The following SDHA variants were observed in gnomAD, a reference collection of about 807,000 sequenced individuals.
SDHA encodes the protein succinate dehydrogenase complex flavoprotein subunit A, also known as succinate dehydrogenase [ubiquinone] flavoprotein subunit, mitochondrial.
A neutral mutation model predicts 78.4 loss-of-function variants in SDHA; 48 were observed. The observed-to-expected ratio is 0.61, with a 90% CI of 0.49 to 0.78. The LOEUF is 0.78. Ranked by LOEUF, SDHA falls within the 30% of genes least tolerant of loss-of-function variation. The pLI is 0.00. For missense variants in SDHA, 680 were observed against 892.7 expected (o/e 0.76, Z 3.04); for synonymous variants, 326 against 353.9 (o/e 0.92, Z 0.88).
At chr5:264,661 G>A in the SDHA span, among the ~76,000 whole-genome samples, 2 of 152,198 alleles carry the variant, frequency 1.3e-5, no homozygotes, top group East Asian at 1.9e-4. Context: ...GCATCACAGG[G>A]TTCTGCAGCC....
chr5:241,330 C>T (rs556806130), intron 11 of SDHA, among the ~76,000 whole-genome samples: 77 of 152,288 alleles, frequency 5.1e-4, no homozygotes, highest in African/African-American at 1.7e-3. Flanking sequence ...AACACTGGTG[C>T]TTACATCTCA....
Position 225,986 on chromosome 5 carries a change from A to C in SDHA, c.560A>C (p.His187Pro), listed in dbSNP as rs1236616384. The part of the protein sequence containing the change: ...SLKFGKGGQA[H>P]RCCCVADRTG... ...AAGTTTGGAAAGGGCGGGCAGGCCC[A>C]TCGGTGCTGCTGTGTGGCTGATCGG... The change falls in exon 5 of 15, where the codon CAT becomes CCT. Residue 187 changes from histidine to proline, a missense_variant. Transcript: ENST00000264932. 6.2e-7 allele frequency: 1 copy of C among 1,614,186 alleles called. No homozygotes were observed. The highest frequency in any genetic ancestry group is 2.2e-5 in the East Asian group (1 of 44,884).
chr5:231,227 C>T (rs892574003), intron 7 of SDHA, among the ~76,000 whole-genome samples: 1 of 152,104 alleles, frequency 6.6e-6, no homozygotes, highest in African/African-American at 2.4e-5. Context: ...TTCTCAAGAG[C>T]GCTAAACCCT....
intron 11 of SDHA, among the ~76,000 whole-genome samples, chr5:243,510 C>T (rs563587039): frequency 2.6e-5 from 4 of 152,208 alleles, no homozygotes; most frequent in East Asian, 3.9e-4. Context: ...CACAAGTGGT[C>T]GTGCAGGATG....
chr5:254,413 T>A lies in SDHA; in HGVS notation c.1815T>A (p.Asp605Glu), dbSNP rs1341691681. The change falls in exon 14 of 15, where the codon GAT becomes GAA. Residue 605 changes from aspartate to glutamate, a missense_variant. Physicochemically the swap from Asp to Glu is conservative, Grantham distance 45 (BLOSUM62 2). Coordinates refer to ENST00000264932, the MANE Select transcript of SDHA (RefSeq NM_004168.4). ...CTCAGGTGCGGATTGATGAGTACGATTACTCCAAGCCCATCCAGGGGCAAC... is the reference window on the plus strand; with the variant it reads ...CTCAGGTGCGGATTGATGAGTACGAATACTCCAAGCCCATCCAGGGGCAAC... The part of the protein sequence containing the change: ...EDYKVRIDEY[D>E]YSKPIQGQQK... The A allele has an allele frequency of 6.2e-7, 1 of 1,603,714 alleles. No individual in the cohort carries two copies. Among genetic ancestry groups the A allele is most frequent in the Admixed American group, 1.7e-5 (1 of 58,760 alleles).
chr5:254,842 G>A (rs570540478), intron 14 of SDHA, among the ~76,000 whole-genome samples: 26 of 152,172 alleles, frequency 1.7e-4, no homozygotes, highest in African/African-American at 5.8e-4. Flanking sequence ...CATCTGTGGG[G>A]TGGGGACACA....
At chr5:257,520 G>A (rs1173330180), downstream of SDHA, among the ~76,000 whole-genome samples, 43 of 40,902 alleles carry the variant, frequency 1.1e-3, 4 homozygotes, top group Admixed American at 8.7e-3. Context: ...TCCGCCCCCT[G>A]TTGGAGCATT....
At chr5:247,630 A>T (rs1736541525) in intron 11 of SDHA, among the ~76,000 whole-genome samples, 1 of 152,210 alleles carries the variant, frequency 6.6e-6, no homozygotes, top group Admixed American at 6.5e-5. Context: ...TGGGAAATGG[A>T]TGTCACACAT....
chr5:218,978 C>G (rs1354199905), intron 1 of SDHA, among the ~76,000 whole-genome samples: 1 of 152,188 alleles, frequency 6.6e-6, no homozygotes, highest in Non-Finnish European at 1.5e-5. Flanking sequence ...GTGGCGCGCC[C>G]GAGCTTAGGC....
chr5:256,302 T>C (rs1737177934), intron 14 of SDHA, 32 bp from the exon 15 acceptor site: 1 of 1,523,564 alleles, frequency 6.6e-7, no homozygotes, highest in Non-Finnish European at 9.1e-7. Context: ...TACATTTTTG[T>C]GCTTAACTTA....
At position 228,293 on chromosome 5, in the gene SDHA, A is replaced by G. The variant is rs1162393515; in HGVS notation, c.730A>G (p.Ile244Val). Residue 244 changes from isoleucine to valine, a missense_variant, in exon 6 of 15, where the codon ATC becomes GTC. Transcript: ENST00000264932. ...CGCACTGTGCATAGAGGACGGGTCCATCCATCGCATAAGAGCAAAGAACAC... is the reference window on the plus strand; with the variant it reads ...CGCACTGTGCATAGAGGACGGGTCCGTCCATCGCATAAGAGCAAAGAACAC... ...VIALCIEDGS[I>V]HRIRAKNTVV... 2 of 1,613,884 alleles carry G rather than the reference A, an allele frequency of 1.2e-6. No homozygotes were observed. Among genetic ancestry groups the G allele is most frequent in the Middle Eastern group, 1.6e-4 (1 of 6,078 alleles).
chr5:220,498 A>G (rs1421613877), intron 1 of SDHA, among the ~76,000 whole-genome samples: 1 of 152,222 alleles, frequency 6.6e-6, no homozygotes, highest in Non-Finnish European at 1.5e-5. Flanking sequence ...GCTTCTTGGG[A>G]TAATTGTAAC....
At chr5:236,249 C>T in intron 9 of SDHA, 179 bp from the exon 10 acceptor site, 5 of 676,624 alleles carry the variant, frequency 7.4e-6, no homozygotes, top group Non-Finnish European at 1.4e-5. Context: ...GGTCTTGAAC[C>T]CCTGACCTCA....
the SDHA span, among the ~76,000 whole-genome samples, chr5:265,249 A>G: frequency 6.6e-6 from 1 of 152,202 alleles, no homozygotes; most frequent in South Asian, 2.1e-4. Flanking sequence ...GTGTAAAACC[A>G]TATACTAAAT....
intron 11 of SDHA, among the ~76,000 whole-genome samples, chr5:243,395 C>T (rs1203245726): frequency 6.6e-6 from 1 of 152,144 alleles, no homozygotes; most frequent in Non-Finnish European, 1.5e-5. Context: ...ACTTGGTGGG[C>T]AGTTGTAGCT....
chr5:250,127 C>A (rs908658630), intron 11 of SDHA: 1 of 152,162 alleles, frequency 6.6e-6, no homozygotes, highest in African/African-American at 2.4e-5. Flanking sequence ...CAATGTTTTT[C>A]ATTTGTTCTT....
chr5:224,927 A>G (rs1421575955), intron 3 of SDHA: 5 of 341,124 alleles, frequency 1.5e-5, no homozygotes, highest in African/African-American at 4.2e-5. Flanking sequence ...GGGGTAAGAC[A>G]GTGGTGGGCA....
chr5:231,609 C>T (rs937853421), intron 7 of SDHA, among the ~76,000 whole-genome samples: 11 of 151,436 alleles, frequency 7.3e-5, no homozygotes, highest in African/African-American at 2.4e-4. Flanking sequence ...TGTCCCTCTT[C>T]GCAACGAGGT....
At position 230,977 on chromosome 5, in the gene SDHA, A is replaced by C; in HGVS notation, c.872A>C (p.Glu291Ala). 6.2e-7 allele frequency: 1 copy of C among 1,613,858 alleles called. No homozygotes were observed. Residue 291 changes from glutamate (E) to alanine (A), a missense_variant, in exon 7 of 15, where the codon GAG becomes GCG. Coordinates refer to ENST00000264932, the MANE Select transcript of SDHA (RefSeq NM_004168.4). ...GCAGGCCTTCCTTGCCAGGACCTAG[A>C]GTTTGTTCAGTTCCACCCTACAGGT... Reference protein sequence around the residue: ...TRAGLPCQDLEFVQFHPTGIY... With the variant: ...TRAGLPCQDLAFVQFHPTGIY...
Sources: gnomAD v4.1 joint callset for allele counts (sites outside exome capture counted in the v4.1 genomes callset) on GRCh38, gnomAD v4.1.1 for gene constraint, MANE v1.5 for transcripts, NCBI Gene and HGNC (gene_info 2026-07-23, HGNC 2026-07-21) for gene names.